The following DMD variants were observed in gnomAD, a reference collection of about 807,000 sequenced individuals.
The protein encoded by DMD is dystrophin.
Under a neutral mutation model 330.1 loss-of-function variants are expected in DMD, and 63 were observed. The ratio of observed to expected loss-of-function variants is 0.19; its 90% CI spans 0.16 to 0.24. The LOEUF (loss-of-function observed/expected upper bound fraction) is 0.24. Among genes scored for constraint, DMD ranks in the 10% least tolerant of loss-of-function variants. The probability of loss-of-function intolerance (pLI) is 1.00; values close to 1 mark genes in which losing one functional copy is unlikely to be tolerated. For synonymous variants in DMD, 1,223 were observed against 959.8 expected, an observed-to-expected ratio of 1.27 and a Z score of -5.07; for missense variants, 3,344 against 2,684.1, an observed-to-expected ratio of 1.25 and a Z score of -5.43.
intron 44 of DMD, among the ~76,000 whole-genome samples, chrX:31,992,240 G>A (rs1159737045): frequency 8.9e-6 from 1 of 111,868 alleles, no homozygotes; most frequent in African/African-American, 3.2e-5. Flanking sequence ...AATGACTTAC[G>A]GTTTTGTGTA....
intron 50 of DMD, among the ~76,000 whole-genome samples, chrX:31,782,268 T>C (rs181098198): frequency 1.8e-5 from 2 of 111,226 alleles, no homozygotes; most frequent in Admixed American, 9.6e-5. Context: ...ACTCCTTGAA[T>C]ATGGATTGGT....
chrX:31,645,973 C>T (rs2080071154), intron 54 of DMD, among the ~76,000 whole-genome samples: 4 of 111,371 alleles, frequency 3.6e-5, no homozygotes, highest in Admixed American at 1.9e-4. Context: ...TCTGCCAAAA[C>T]CCCATTTGGA....
rs190219233 is a variant in DMD, at chrX:33,170,163, C to G, written c.31+41119G>C. ...TCTAGAGTTACATAAAGATTATCAA[C>G]TGAAAAATGTAAGCTCCATGAAGAC... On this transcript the variant is annotated intron_variant, in intron 1 of 78. Coordinates refer to ENST00000357033, the MANE Select transcript of DMD (RefSeq NM_004006.3). 2.6e-3 allele frequency among the ~76,000 whole-genome samples: 290 copies of G among 111,172 alleles called. 4 individuals carry two copies. Among genetic ancestry groups the G allele is most frequent in the Non-Finnish European group, 6.8e-4 (36 of 52,706 alleles).
At chrX:32,765,471 A>C (rs1162002738) in intron 7 of DMD, among the ~76,000 whole-genome samples, 1 of 111,289 alleles carries the variant, frequency 9.0e-6, no homozygotes, top group Non-Finnish European at 1.9e-5. Context: ...TGCCAGCATC[A>C]TGCTTCCTGT....
At chrX:32,806,090 C>A (rs1380572554) in intron 7 of DMD, among the ~76,000 whole-genome samples, 1 of 111,875 alleles carries the variant, frequency 8.9e-6, no homozygotes, top group Non-Finnish European at 1.9e-5. Flanking sequence ...ACAATATTAA[C>A]CTTAAATGTA....
chrX:31,831,661 T>C (rs113628207), intron 49 of DMD, among the ~76,000 whole-genome samples: 19,290 of 110,812 alleles, frequency 0.17, 1,295 homozygotes, highest in Admixed American at 0.22. Context: ...TGCAGTGGCG[T>C]GATCTCAGCT....
rs748353516 is a variant in DMD, at chrX:32,379,119, A to C, written c.4845+1391T>G. ...CAACTAAGAGATTTTAGAGTATGTC[A>C]TTAACAGCTTAGTGTTTGAAAAGAT... is the stretch of plus-strand genomic sequence containing the variant. On this transcript the variant is annotated intron_variant, in intron 34 of 78. Coordinates refer to ENST00000357033, the MANE Select transcript of DMD (RefSeq NM_004006.3). Among the ~76,000 whole-genome samples, 11 of 110,478 alleles carry C rather than the reference A, an allele frequency of 1.0e-4. No homozygotes were observed. The East Asian group carries it at 3.1e-3, about 31-fold the overall frequency.
intron 44 of DMD, among the ~76,000 whole-genome samples, chrX:32,080,850 G>T (rs192739210): frequency 8.9e-6 from 1 of 111,934 alleles, no homozygotes; most frequent in Middle Eastern, 4.6e-3. Flanking sequence ...GAGTAGTAAG[G>T]CTCACTGTTC....
intron 42 of DMD, among the ~76,000 whole-genome samples, chrX:32,308,365 G>T (rs1017283691): frequency 1.8e-5 from 2 of 111,055 alleles, no homozygotes; most frequent in South Asian, 7.4e-4. Context: ...TTCCCAACCA[G>T]CAGCTGTACA....
intron 1 of DMD, among the ~76,000 whole-genome samples, chrX:33,146,887 A>G (rs2148610502): frequency 9.0e-6 from 1 of 110,556 alleles, no homozygotes; most frequent in South Asian, 3.9e-4. Context: ...CAGTGGCTCA[A>G]TCTCTGCTCA....
chrX:33,077,104 A>T (rs547398491), intron 1 of DMD, among the ~76,000 whole-genome samples: 61 of 111,263 alleles, frequency 5.5e-4, no homozygotes, highest in African/African-American at 1.8e-3. Context: ...GGTCTGCAAA[A>T]TATCTCAAGC....
chrX:32,705,465 A>G (rs1008112268), intron 7 of DMD, among the ~76,000 whole-genome samples: 4 of 112,076 alleles, frequency 3.6e-5, no homozygotes, highest in Non-Finnish European at 7.5e-5. Context: ...GCTTTTCAAC[A>G]TGCTTATGGT....
chrX:32,834,911 G>A (rs142075259), intron 4 of DMD, among the ~76,000 whole-genome samples: 1 of 111,363 alleles, frequency 9.0e-6, no homozygotes, highest in African/African-American at 3.3e-5. Context: ...GAAATCATAA[G>A]AGGGAAGACG....
intron 9 of DMD, among the ~76,000 whole-genome samples, chrX:32,686,905 T>C (rs1432788830): frequency 9.0e-6 from 1 of 111,450 alleles, no homozygotes; most frequent in Admixed American, 9.6e-5. Context: ...AAATTCAGGA[T>C]ATCAGGATCC....
At chrX:33,298,018 TG>T (rs2053608242) in intron 1 of DMD, among the ~76,000 whole-genome samples, 1 of 111,466 alleles carries the variant, frequency 9.0e-6, no homozygotes, top group Non-Finnish European at 1.9e-5. Flanking sequence ...CAAAATACCG[TG>T]TTGTATATCT....
At position 33,071,398 on chromosome X, in the gene DMD, A is replaced by AACAG. The variant is rs762548835; in HGVS notation, c.32-51202_32-51199dup. 8.5e-3 allele frequency among the ~76,000 whole-genome samples: 893 copies of AACAG among 105,428 alleles called. 9 individuals carry two copies. Among genetic ancestry groups the AACAG allele is most frequent in the African/African-American group, 0.03 (861 of 28,606 alleles). The allele number at this position is 105,428 out of a possible 115,157, so 91.6% of individuals were successfully genotyped here. On this transcript the variant is annotated intron_variant, in intron 1 of 78. Transcript: ENST00000357033. Reference sequence around the variant, plus strand: ...CACGCCACTTCACTCCAGCCTGGGCAACAGAGTGAGACTCTGTCCTGATTA... The same window carrying AACAG: ...CACGCCACTTCACTCCAGCCTGGGCAACAGACAGAGTGAGACTCTGTCCTGATTA...
intron 1 of DMD, among the ~76,000 whole-genome samples, chrX:33,326,010 G>A (rs2054084266): frequency 9.0e-6 from 1 of 111,037 alleles, no homozygotes; most frequent in Admixed American, 9.7e-5. Context: ...TAAATATCCC[G>A]ACTTTTACGG....
intron 44 of DMD, among the ~76,000 whole-genome samples, chrX:32,188,387 T>C (rs972447628): frequency 9.4e-6 from 1 of 105,976 alleles, no homozygotes. Flanking sequence ...ATGAAGCTTA[T>C]AAAGTCCTAC....
chrX:31,478,502 T>C, intron 58 of DMD, 128 bp from the exon 59 acceptor site: 2 of 907,876 alleles, frequency 2.2e-6, no homozygotes, highest in Non-Finnish European at 3.1e-6. Context: ...ACGGCTTTTT[T>C]ATACTTTGGC....
Sources: gnomAD v4.1 joint callset for allele counts (sites outside exome capture counted in the v4.1 genomes callset) on GRCh38, gnomAD v4.1.1 for gene constraint, MANE v1.5 for transcripts, NCBI Gene and HGNC (gene_info 2026-07-23, HGNC 2026-07-21) for gene names.